ABCB11: variants seen among roughly 807,000 people sequenced by gnomAD.
The protein encoded by ABCB11 is bile salt export pump.
In ABCB11, 95 loss-of-function variants were observed where a neutral mutation model predicts 148.0. The observed-to-expected ratio is 0.64, with a 90% CI of 0.54 to 0.76. ABCB11 has a LOEUF of 0.76. ABCB11 is among the 30% of genes least tolerant of loss of function. The pLI is 0.00. For missense variants in ABCB11, 1,523 were observed against 1,617.8 expected, an observed-to-expected ratio of 0.94 and a Z score of 1.01; for synonymous variants, 591 against 555.4, an observed-to-expected ratio of 1.06 and a Z score of -0.90.
intron 14 of ABCB11, 121 bp downstream of exon 14, chr2:168,971,725 TA>T: frequency 1.1e-6 from 1 of 945,806 alleles, no homozygotes. Context: ...GGCATGAAAC[TA>T]AAACATGGCT....
intron 19 of ABCB11, among the ~76,000 whole-genome samples, chr2:168,956,512 G>A (rs183414758): frequency 4.8e-4 from 73 of 151,664 alleles, no homozygotes; most frequent in African/African-American, 1.7e-3. Flanking sequence ...CTTTGATTTT[G>A]GGTTCATGCA....
chr2:169,019,987 T>C (rs776974017), intron 1 of ABCB11, among the ~76,000 whole-genome samples: 36 of 152,042 alleles, frequency 2.4e-4, no homozygotes, highest in Admixed American at 2.0e-4. Context: ...AAGGGAGCCA[T>C]GAAAGAGAGA....
At chr2:169,012,979 C>G (rs1183493184) in intron 5 of ABCB11, among the ~76,000 whole-genome samples, 1 of 151,944 alleles carries the variant, frequency 6.6e-6, no homozygotes, top group Non-Finnish European at 1.5e-5. Flanking sequence ...TCCCTAGTGA[C>G]GTTAAGTATT....
chr2:169,012,821 C>A (rs6759871), intron 5 of ABCB11, among the ~76,000 whole-genome samples: 18,381 of 151,608 alleles, frequency 0.12, 1,788 homozygotes, highest in African/African-American at 0.27. Context: ...GTAATGCAGC[C>A]TGTTCATGAA....
chr2:168,977,780 G>A (rs192660553), intron 11 of ABCB11, among the ~76,000 whole-genome samples: 14 of 152,228 alleles, frequency 9.2e-5, no homozygotes, highest in Non-Finnish European at 1.3e-4. Flanking sequence ...AGCGCATAGG[G>A]GAAACTGCCA....
intron 10 of ABCB11, among the ~76,000 whole-genome samples, chr2:168,980,895 ATCC>A (rs1482368356): frequency 2.6e-5 from 4 of 152,156 alleles, no homozygotes; most frequent in Non-Finnish European, 5.9e-5. Context: ...AATGAGGCAA[ATCC>A]TCAAGTTGGC....
chr2:168,968,459 G>T lies in ABCB11; in HGVS notation c.2043C>A (p.Thr681=). 2 of 1,611,188 alleles carry T rather than the reference G, an allele frequency of 1.2e-6. No individual in the cohort carries two copies. Among genetic ancestry groups the T allele is most frequent in the Non-Finnish European group, 1.7e-6 (2 of 1,178,478 alleles). Residue 681 remains threonine, a synonymous_variant, in exon 17 of 28, where the codon ACC becomes ACA. Coordinates refer to ENST00000650372, the MANE Select transcript of ABCB11 (RefSeq NM_003742.4). ...TATCCTGGTAGCTCCCTCTGCTAAA[G>T]GTCCTCGCAAGCATGTCATCTTCAG... is the stretch of plus-strand genomic sequence containing the variant. ...DATEDDMLAR[T]FSRGSYQDSL...
At chr2:169,005,322 C>T (rs1237895319) in intron 5 of ABCB11, among the ~76,000 whole-genome samples, 1 of 152,000 alleles carries the variant, frequency 6.6e-6, no homozygotes, top group Non-Finnish European at 1.5e-5. Flanking sequence ...CATGTAGGGG[C>T]AGGGATAGGC....
chr2:169,024,506 A>ATGTCTTACATTATTAGTAT (rs1274372439), intron 1 of ABCB11, among the ~76,000 whole-genome samples: 1 of 152,188 alleles, frequency 6.6e-6, no homozygotes, highest in African/African-American at 2.4e-5. Context: ...CCAGTTATTA[A>ATGTCTTACATTATTAGTAT]TGTCTTACAT....
At chr2:168,947,921 C>A (rs1275610590) in intron 19 of ABCB11, among the ~76,000 whole-genome samples, 1 of 151,510 alleles carries the variant, frequency 6.6e-6, no homozygotes, top group Non-Finnish European at 1.5e-5. Context: ...TCAAGAAGGA[C>A]AGCAATTATA....
At chr2:168,976,792 T>C in intron 11 of ABCB11, 105 bp from the exon 12 acceptor site, 1 of 664,920 alleles carries the variant, frequency 1.5e-6, no homozygotes, top group Non-Finnish European at 2.7e-6. Flanking sequence ...CTCTGCAATG[T>C]TTTATCTGGT....
chr2:168,946,594 T>C (rs1278162001), intron 19 of ABCB11, among the ~76,000 whole-genome samples: 3 of 151,730 alleles, frequency 2.0e-5, no homozygotes, highest in Non-Finnish European at 4.4e-5. Context: ...AGATAAATAT[T>C]TTTAAAATTA....
intron 21 of ABCB11, among the ~76,000 whole-genome samples, chr2:168,939,096 T>C (rs970177732): frequency 6.6e-6 from 1 of 152,052 alleles, no homozygotes; most frequent in Non-Finnish European, 1.5e-5. Flanking sequence ...TGTTGATGGA[T>C]ATTTGGGTAG....
In ABCB11 at chr2:168,958,116, G is replaced by T. The variant is rs201240844; in HGVS notation, c.2191C>A (p.Pro731Thr). 5 of 1,610,852 alleles carry T rather than the reference G, an allele frequency of 3.1e-6. No individual in the cohort carries two copies. The South Asian group carries it at 5.5e-5, about 18-fold the overall frequency. ...YEEDRKDKDI[P>T]VQEEVEPAPV... ...GCAGGTTCAACTTCTTCCTGCACAG[G>T]AATGTCCTTGTCCTTGAGCAGAGAG... The change falls in exon 19 of 28, where the codon CCT (proline) becomes ACT (threonine). Residue 731 changes from proline to threonine, a missense_variant. By Grantham distance (38) the Pro-to-Thr change is conservative. Coordinates refer to ENST00000650372, the MANE Select transcript of ABCB11 (RefSeq NM_003742.4).
chr2:168,935,045 T>A (rs1691752048), intron 23 of ABCB11, 139 bp downstream of exon 23: 2 of 1,278,436 alleles, frequency 1.6e-6, no homozygotes, highest in Non-Finnish European at 2.2e-6. Context: ...CCACAGAATC[T>A]TGAGAAATAA....
chr2:168,987,293 G>A (rs758890206), intron 9 of ABCB11, among the ~76,000 whole-genome samples: 8 of 152,130 alleles, frequency 5.3e-5, no homozygotes, highest in East Asian at 3.9e-4. Flanking sequence ...AGCATGGCAC[G>A]TAGTAAGTAC....
chr2:168,958,461 C>T (rs1163283907), intron 18 of ABCB11, among the ~76,000 whole-genome samples: 1 of 151,548 alleles, frequency 6.6e-6, no homozygotes, highest in Non-Finnish European at 1.5e-5. Context: ...AAAACCTTTG[C>T]TACGGTTGTA....
At chr2:168,915,626 T>C (rs989769509) in exon 3 of ABCB11, among the ~76,000 whole-genome samples, 1 of 152,232 alleles carries the variant, frequency 6.6e-6, no homozygotes, top group Non-Finnish European at 1.5e-5. Context: ...GCTGAATATC[T>C]TCCTGCTCTG....
rs2105869928 is a variant in ABCB11, at chr2:168,921,471, C to G, written c.*2151G>C. 6.6e-6 allele frequency among the ~76,000 whole-genome samples: 1 copy of G among 152,236 alleles called. No individual in the cohort carries two copies. The highest frequency in any genetic ancestry group is 6.5e-5 in the Admixed American group (1 of 15,294). ...AGTCCTGCTCCCAAGGTTTTCATTT[C>G]TGTGACAAGAGCTCTTTTTTGTATG... On this transcript the variant is annotated 3_prime_UTR_variant, in exon 28 of 28. Transcript: ENST00000650372.
Sources: allele counts gnomAD v4.1 joint callset (sites outside exome capture counted in the v4.1 genomes callset), GRCh38; gene constraint gnomAD v4.1.1; transcripts MANE v1.5; gene names NCBI Gene and HGNC (gene_info 2026-07-23, HGNC 2026-07-21).